The following BMS1 variants were observed in gnomAD, a reference collection of about 807,000 sequenced individuals.
The protein encoded by BMS1 is BMS1 ribosome biogenesis factor.
In BMS1, 53 loss-of-function variants were observed where a neutral mutation model predicts 138.7. The observed-to-expected ratio is 0.38, with a 90% confidence interval of 0.31 to 0.48. BMS1 has a LOEUF of 0.48. BMS1 is among the 20% of genes least tolerant of loss of function. The pLI, the probability that BMS1 is intolerant of heterozygous loss-of-function variation, is 0.97. For synonymous variants in BMS1, 504 were observed against 539.9 expected (o/e 0.93, Z 0.92); for missense variants, 1,360 against 1,565.5 (o/e 0.87, Z 2.22).
In BMS1 at chr10:42,831,887, T is replaced by C. The variant is rs1174988823; in HGVS notation, c.*791T>C. ...ACATTATGTTGAAGTAATCATACTA[T>C]TACATAGGCGATGTATGTATTTTAT... On this transcript the variant is annotated 3_prime_UTR_variant, in exon 23 of 23. Coordinates refer to ENST00000374518, the MANE Select transcript of BMS1 (RefSeq NM_014753.4). 6.6e-6 allele frequency: 1 copy of C among 152,196 alleles called. No homozygotes were observed. Among genetic ancestry groups the C allele is most frequent in the African/African-American group, 2.4e-5 (1 of 41,442 alleles). 9.4% of individuals were successfully genotyped at this position (152,196 alleles called of 1,614,324 possible).
At chr10:42,817,544 G>A (rs538198873) in intron 15 of BMS1, 50 bp downstream of exon 15, 27 of 1,536,690 alleles carry the variant, frequency 1.8e-5, no homozygotes, top group Admixed American at 1.1e-4. Flanking sequence ...ATCATATAGC[G>A]CAGGAATCCC....
Position 42,787,171 on chromosome 10 carries a change from A to G in BMS1, c.371A>G (p.Lys124Arg), listed in dbSNP as rs750730619. 2 of 1,158,300 alleles carry G rather than the reference A, an allele frequency of 1.7e-6. No homozygotes were observed. Among genetic ancestry groups the G allele is most frequent in the South Asian group, 2.5e-5 (2 of 80,406 alleles). 71.8% of individuals were successfully genotyped at this position (1,158,300 alleles called of 1,614,324 possible). ...IRGPVTIVSG[K>R]KRRLTIIECG... The stretch of plus-strand genomic sequence containing the variant: ...ATTTTCATCTTTTCACTTATAGGTA[A>G]AAAGCGCAGACTCACCATTATTGAA... Residue 124 changes from lysine to arginine, a missense_variant, in exon 4 of 23, where the codon AAA (lysine) becomes AGA (arginine). Lys to Arg is a conservative substitution (Grantham distance 26). This residue lies in a region of BMS1 where 238 missense variants were observed against 311.1 expected (regional missense o/e 0.77). Transcript: ENST00000374518.
chr10:42,787,293 A>G (rs927621326), intron 4 of BMS1, 46 bp downstream of exon 4: 13 of 866,836 alleles, frequency 1.5e-5, no homozygotes, highest in Admixed American at 1.3e-4. Context: ...GACTTACAGC[A>G]TTGTGATAGG....
intron 8 of BMS1, among the ~76,000 whole-genome samples, chr10:42,793,357 C>G (rs1841574464): frequency 6.6e-6 from 1 of 151,672 alleles, no homozygotes. Flanking sequence ...TCCTTCATTC[C>G]TCCTTGATCC....
At chr10:42,785,098 C>G (rs1004996050) in intron 2 of BMS1, among the ~76,000 whole-genome samples, 1 of 152,168 alleles carries the variant, frequency 6.6e-6, no homozygotes, top group African/African-American at 2.4e-5. Flanking sequence ...AGTAGGAGAG[C>G]TAAATGTAAC....
chr10:42,820,650 A>G lies in BMS1; in HGVS notation c.2912A>G (p.Tyr971Cys). The G allele has an allele frequency of 6.2e-7, 1 of 1,612,016 alleles. No individual in the cohort carries two copies. The highest frequency in any genetic ancestry group is 8.5e-7 in the Non-Finnish European group (1 of 1,179,846). Residue 971 changes from tyrosine (Y) to cysteine (C), a missense_variant, in exon 17 of 23, where the codon TAT becomes TGT. Physicochemically the swap from Tyr to Cys is radical, Grantham distance 194. Around this residue, in one of 3 missense-constraint regions of BMS1, gnomAD observed 425 missense variants for 568.3 expected, o/e 0.75. Transcript: ENST00000374518. ...DHNGRQRLLK[Y>C]TPQHMHCGAA... ...AATGGAAGACAAAGGCTTCTAAAGT[A>G]TACCCCACAGCACATGCATTGCGGA... is the stretch of plus-strand genomic sequence containing the variant.
intron 8 of BMS1, 131 bp from the exon 9 acceptor site, chr10:42,793,721 C>G: frequency 9.1e-7 from 1 of 1,100,926 alleles, no homozygotes; most frequent in Non-Finnish European, 1.3e-6. Context: ...ATTTTCTTCT[C>G]TGCTTTTTGA....
At chr10:42,818,627 C>T (rs1277799670) in intron 15 of BMS1, among the ~76,000 whole-genome samples, 1 of 152,190 alleles carries the variant, frequency 6.6e-6, no homozygotes, top group Non-Finnish European at 1.5e-5. Context: ...AAACCCTCTG[C>T]AGATGCAGTT....
chr10:42,792,357 C>A, intron 6 of BMS1, 136 bp from the exon 7 acceptor site: 1 of 1,200,872 alleles, frequency 8.3e-7, no homozygotes, highest in Non-Finnish European at 1.2e-6. Flanking sequence ...GTGAATGGTG[C>A]CTCCTTATTT....
chr10:42,783,312 T>C (rs1841216853), intron 1 of BMS1, among the ~76,000 whole-genome samples: 1 of 152,198 alleles, frequency 6.6e-6, no homozygotes, highest in African/African-American at 2.4e-5. Context: ...ATAAAGACTT[T>C]GTTTCCGCTG....
rs1842802867 is a variant in BMS1, at chr10:42,831,719, A to G, written c.*623A>G. 1 of 152,590 alleles carries G rather than the reference A, an allele frequency of 6.6e-6. No homozygotes were observed. The highest frequency in any genetic ancestry group is 1.5e-5 in the Non-Finnish European group (1 of 68,356). 9.5% of individuals were successfully genotyped at this position (152,590 alleles called of 1,614,324 possible). A position where few individuals can be genotyped will look rare whatever the true frequency, so the allele number is the denominator to read the frequency against. ...TTAGTATAGTGACAAGGTAACAGTA[A>G]GTACTTTTTTAAAGCTTTAGACTTA... On this transcript the variant is annotated 3_prime_UTR_variant, in exon 23 of 23. Coordinates refer to ENST00000374518, the MANE Select transcript of BMS1 (RefSeq NM_014753.4).
rs183287025 is a variant in BMS1 at position 42,830,958 on chromosome 10, C to A, written c.3711C>A (p.Phe1237Leu). The change falls in exon 23 of 23, where the codon TTC becomes TTA. Residue 1237 changes from phenylalanine to leucine, a missense_variant. Physicochemically the swap from Phe to Leu is conservative, Grantham distance 22. Around this residue, in one of 3 missense-constraint regions of BMS1, gnomAD observed 425 missense variants for 568.3 expected, o/e 0.75. Transcript: ENST00000374518. ...GGCACCTGCACAATAAAGAGCACTT[C>A]AGAGCCAAGCAGAAGGAGGAGGAGG... ...EQRHLHNKEH[F>L]RAKQKEEEEK... 140 of 1,609,624 alleles carry A rather than the reference C, an allele frequency of 8.7e-5. 1 individual carries two copies. The African/African-American group carries it at 1.5e-3, about 18-fold the overall frequency.
intron 21 of BMS1, among the ~76,000 whole-genome samples, chr10:42,825,809 TA>T (rs1321867906): frequency 6.6e-6 from 1 of 152,226 alleles, no homozygotes; most frequent in Non-Finnish European, 1.5e-5. Context: ...CTCTATTGAA[TA>T]AAAGTGATGA....
At chr10:42,786,118 A>C (rs572162902) in intron 3 of BMS1, among the ~76,000 whole-genome samples, 1 of 152,222 alleles carries the variant, frequency 6.6e-6, no homozygotes, top group African/African-American at 2.4e-5. Flanking sequence ...GGCTTTGCCA[A>C]ACATGTTCCT....
chr10:42,788,593 T>A (rs1259637828), intron 4 of BMS1, among the ~76,000 whole-genome samples: 1 of 152,218 alleles, frequency 6.6e-6, no homozygotes, highest in Non-Finnish European at 1.5e-5. Context: ...TTATTCTAAC[T>A]GTATTTTTGT....
In BMS1 at chr10:42,830,956, T is replaced by G. The variant is rs2132400850; in HGVS notation, c.3709T>G (p.Phe1237Val). Residue 1237 changes from phenylalanine to valine, a missense_variant, in exon 23 of 23, where the codon TTC (phenylalanine) becomes GTC (valine). Transcript: ENST00000374518. ...EQRHLHNKEH[F>V]RAKQKEEEEK... is the part of the protein sequence containing the mutation. ...GCGGCACCTGCACAATAAAGAGCACTTCAGAGCCAAGCAGAAGGAGGAGGA... is the reference window on the plus strand; with the variant it reads ...GCGGCACCTGCACAATAAAGAGCACGTCAGAGCCAAGCAGAAGGAGGAGGA... 1 of 1,610,320 alleles carries G rather than the reference T, an allele frequency of 6.2e-7. No homozygotes were observed. The highest frequency in any genetic ancestry group is 8.5e-7 in the Non-Finnish European group (1 of 1,178,352).
chr10:42,823,551 G>T (rs1405679105), intron 20 of BMS1, 58 bp from the exon 21 acceptor site: 2 of 1,414,700 alleles, frequency 1.4e-6, no homozygotes, highest in East Asian at 2.4e-5. Context: ...TTGTTTCTTC[G>T]CAATATGGAT....
rs1454515844 is a variant in BMS1 at position 42,828,639 on chromosome 10, C to T, written c.3457-1622C>T. Among the ~76,000 whole-genome samples, 3 of 151,652 alleles carry T rather than the reference C, an allele frequency of 2.0e-5. No individual in the cohort carries two copies. In the East Asian group the frequency reaches 5.8e-4, roughly 29 times the overall value. On this transcript the variant is annotated intron_variant, in intron 21 of 22. Transcript: ENST00000374518. ...TTTTTTTTTTTTTATTTTAGGTTTT[C>T]AATGCCTGCCTGGACTTGTGTTTTC...
chr10:42,798,578 T>A lies in BMS1; in HGVS notation c.2200T>A (p.Cys734Ser), dbSNP rs1841769801. The A allele has an allele frequency of 6.2e-7, 1 of 1,614,166 alleles. No homozygotes were observed. Among genetic ancestry groups the A allele is most frequent in the African/African-American group, 1.3e-5 (1 of 74,962 alleles). Residue 734 changes from cysteine (C) to serine (S), a missense_variant, in exon 12 of 23, where the codon TGC becomes AGC. By Grantham distance (112) the Cys-to-Ser change is moderately radical. Around this residue, in one of 3 missense-constraint regions of BMS1, gnomAD observed 697 missense variants for 686.2 expected, o/e 1.02. Coordinates refer to ENST00000374518, the MANE Select transcript of BMS1 (RefSeq NM_014753.4). ...ECKHKADSLDCSRFLVEAPHD... is the reference protein window; with the variant it reads ...ECKHKADSLDSSRFLVEAPHD... The stretch of plus-strand genomic sequence containing the variant: ...TAAGCACAAGGCTGACTCTTTGGAC[T>A]GCTCCAGATTTCTTGTGGAGGCCCC...
Sources: allele counts gnomAD v4.1 joint callset (sites outside exome capture counted in the v4.1 genomes callset), GRCh38; gene constraint gnomAD v4.1.1; regional missense constraint gnomAD v4.1.1; transcripts MANE v1.5; gene names NCBI Gene and HGNC (gene_info 2026-07-23, HGNC 2026-07-21).